PRELID2: variants seen among roughly 807,000 people sequenced by gnomAD.
PRELID2 encodes the protein PRELI domain-containing protein 2.
In PRELID2, 25 loss-of-function variants were observed where a neutral mutation model predicts 28.4. That is an observed-to-expected ratio of 0.88 (90% CI 0.64 to 1.23). PRELID2 has a LOEUF of 1.23. Ranked by LOEUF, PRELID2 falls within the 50% of genes most tolerant of loss-of-function variation. The pLI, the probability that PRELID2 is intolerant of heterozygous loss-of-function variation, is 0.00. For missense variants in PRELID2, 201 were observed against 214.4 expected, an observed-to-expected ratio of 0.94 and a Z score of 0.39; for synonymous variants, 76 against 71.6, an observed-to-expected ratio of 1.06 and a Z score of -0.31.
chr5:145,797,326 A>C (rs1752829089), intron 4 of PRELID2, among the ~76,000 whole-genome samples: 1 of 152,122 alleles, frequency 6.6e-6, no homozygotes, highest in African/African-American at 2.4e-5. Context: ...AAGAAGAGCC[A>C]CATCAAAGCA....
At chr5:145,374,559 A>G in the PRELID2 span, among the ~76,000 whole-genome samples, 1 of 152,056 alleles carries the variant, frequency 6.6e-6, no homozygotes, top group Non-Finnish European at 1.5e-5. Context: ...TCCCTGGTTA[A>G]TATCCTGAAG....
rs185457385 is a variant in PRELID2 at position 145,759,204 on chromosome 5, T to C, written c.*1332A>G. 4 of 152,144 alleles carry C rather than the reference T, an allele frequency of 2.6e-5. No individual in the cohort carries two copies. The highest frequency in any genetic ancestry group is 9.6e-5 in the African/African-American group (4 of 41,500). The allele number at this position is 152,144 out of a possible 1,614,324, so 9.4% of individuals were successfully genotyped here. The stretch of plus-strand genomic sequence containing the variant: ...TTTTAGTAGAGACGGGGTTTCACCA[T>C]ATTGGCCAGGCTGGTCTCGAACTCC... On this transcript the variant is annotated 3_prime_UTR_variant, in exon 7 of 7. Transcript: ENST00000683046.
chr5:145,353,223 C>T, the PRELID2 span, among the ~76,000 whole-genome samples: 1 of 152,002 alleles, frequency 6.6e-6, no homozygotes, highest in Non-Finnish European at 1.5e-5. Context: ...TTTGGGAGGC[C>T]GAGGTGAGTG....
intron 1 of PRELID2, among the ~76,000 whole-genome samples, chr5:145,520,295 G>A (rs938948840): frequency 3.3e-5 from 5 of 152,136 alleles, no homozygotes; most frequent in Non-Finnish European, 7.4e-5. Context: ...TGAACTGGTG[G>A]TAAAGGCAGG....
Position 145,528,441 on chromosome 5 carries a change from C to G in PRELID2, n.71-55126G>C, listed in dbSNP as rs564869053. Among the ~76,000 whole-genome samples the G allele has an allele frequency of 2.0e-5, 3 of 152,186 alleles. No individual in the cohort carries two copies. The East Asian group carries it at 5.8e-4, about 29-fold the overall frequency. On this transcript the variant is annotated intron_variant and non_coding_transcript_variant, in intron 1 of 2. Transcript: ENST00000510259. Reference sequence around the variant, plus strand: ...AGACAGGCCCAACTTTATAAAGGAGCTGTTCACCCAACAGAGAGCAGGTTT... The same window carrying G: ...AGACAGGCCCAACTTTATAAAGGAGGTGTTCACCCAACAGAGAGCAGGTTT...
At chr5:145,744,682 G>T (rs929605472) in intron 1 of PRELID2, among the ~76,000 whole-genome samples, 11 of 151,938 alleles carry the variant, frequency 7.2e-5, no homozygotes, top group Non-Finnish European at 1.3e-4. Context: ...CAACAGAAAG[G>T]CCGCACAAAA....
intron 1 of PRELID2, among the ~76,000 whole-genome samples, chr5:145,833,251 C>T (rs1316771361): frequency 2.0e-5 from 3 of 152,216 alleles, no homozygotes; most frequent in Non-Finnish European, 1.5e-5. Context: ...ACGGGAAACA[C>T]AACACATACA....
the PRELID2 span, among the ~76,000 whole-genome samples, chr5:145,330,065 T>C: frequency 1.3e-5 from 2 of 152,220 alleles, no homozygotes; most frequent in Non-Finnish European, 2.9e-5. Flanking sequence ...GTTTACATGA[T>C]GGATTATGTT....
At chr5:145,388,237 TA>T in the PRELID2 span, among the ~76,000 whole-genome samples, 2 of 152,188 alleles carry the variant, frequency 1.3e-5, no homozygotes, top group Non-Finnish European at 2.9e-5. Flanking sequence ...ATTATCTATT[TA>T]AAACATAAAA....
chr5:145,555,826 T>A (rs898890793), intron 1 of PRELID2, among the ~76,000 whole-genome samples: 2 of 152,140 alleles, frequency 1.3e-5, no homozygotes, highest in African/African-American at 2.4e-5. Flanking sequence ...TAGTTCCTGA[T>A]AACTTTCTAG....
chr5:145,269,626 T>A, the PRELID2 span, among the ~76,000 whole-genome samples: 10 of 151,470 alleles, frequency 6.6e-5, no homozygotes, highest in African/African-American at 2.2e-4. Context: ...CAATAAAAAA[T>A]TTTTCATAGA....
the PRELID2 span, among the ~76,000 whole-genome samples, chr5:145,254,625 G>A: frequency 5.9e-5 from 9 of 152,086 alleles, no homozygotes; most frequent in Non-Finnish European, 1.0e-4. Flanking sequence ...GCTTGAAGAA[G>A]TGACATTCTG....
chr5:145,811,665 G>C (rs545411359), intron 4 of PRELID2, among the ~76,000 whole-genome samples: 62 of 152,296 alleles, frequency 4.1e-4, no homozygotes, highest in South Asian at 1.4e-3. Flanking sequence ...CAGGCCTGGA[G>C]GGAGTCAGGT....
chr5:145,810,931 T>C (rs1488898442), intron 4 of PRELID2, among the ~76,000 whole-genome samples: 1 of 151,868 alleles, frequency 6.6e-6, no homozygotes, highest in Non-Finnish European at 1.5e-5. Flanking sequence ...ACAGAGGTTG[T>C]ATTAGTCCAT....
At chr5:145,580,534 T>C (rs1386138397) in intron 1 of PRELID2, among the ~76,000 whole-genome samples, 1 of 152,030 alleles carries the variant, frequency 6.6e-6, no homozygotes, top group African/African-American at 2.4e-5. Flanking sequence ...CTTTGTCTAG[T>C]GCTGAGTTGA....
the PRELID2 span, among the ~76,000 whole-genome samples, chr5:145,350,499 G>A: frequency 6.6e-6 from 1 of 152,166 alleles, no homozygotes; most frequent in African/African-American, 2.4e-5. Context: ...CAAAATGACA[G>A]GTTGAGAGTT....
At chr5:145,239,231 C>A in the PRELID2 span, among the ~76,000 whole-genome samples, 2 of 152,050 alleles carry the variant, frequency 1.3e-5, no homozygotes, top group African/African-American at 4.8e-5. Flanking sequence ...TATTCTCTAG[C>A]AATTCCTTTG....
At chr5:145,415,858 T>A in the PRELID2 span, among the ~76,000 whole-genome samples, 1 of 151,854 alleles carries the variant, frequency 6.6e-6, no homozygotes, top group Non-Finnish European at 1.5e-5. Context: ...ATCGCCACAC[T>A]GACTTCCACA....
At chr5:145,711,110 C>T (rs1323128697) in intron 1 of PRELID2, among the ~76,000 whole-genome samples, 1 of 152,192 alleles carries the variant, frequency 6.6e-6, no homozygotes, top group Non-Finnish European at 1.5e-5. Context: ...TCAATACCTG[C>T]CATCTGCCCG....
Sources: allele counts gnomAD v4.1 joint callset (sites outside exome capture counted in the v4.1 genomes callset), GRCh38; gene constraint gnomAD v4.1.1; transcripts MANE v1.5; gene names NCBI Gene and HGNC (gene_info 2026-07-23, HGNC 2026-07-21).